The following ANK2 variants were observed in gnomAD, a reference collection of about 807,000 sequenced individuals.
The protein encoded by ANK2 is ankyrin 2.
ANK2 carries 83 observed loss-of-function variants against 360.5 expected under a neutral mutation model. The observed-to-expected ratio is 0.23, with a 90% CI of 0.19 to 0.28. The LOEUF is 0.28. ANK2 is among the 10% of genes least tolerant of loss of function. The pLI is 1.00. For synonymous variants in ANK2, 1,740 were observed against 1,759.5 expected (o/e 0.99, Z 0.28); for missense variants, 4,201 against 4,795.7 (o/e 0.88, Z 3.66).
intron 2 of ANK2, among the ~76,000 whole-genome samples, chr4:113,001,928 T>C (rs2050845445): frequency 6.6e-6 from 1 of 152,090 alleles, no homozygotes; most frequent in South Asian, 2.1e-4. Context: ...AAGCCCAAAT[T>C]CTCCCTTTTA....
chr4:113,154,098 C>T (rs2097190099), intron 1 of ANK2, among the ~76,000 whole-genome samples: 1 of 152,332 alleles, frequency 6.6e-6, no homozygotes. Context: ...GCTGAGACCA[C>T]ATGGGACATG....
At chr4:113,181,301 CTCTT>C (rs1419003415) in intron 2 of ANK2, among the ~76,000 whole-genome samples, 1 of 152,176 alleles carries the variant, frequency 6.6e-6, no homozygotes, top group African/African-American at 2.4e-5. Flanking sequence ...CTTGAACACT[CTCTT>C]TCTATGGCTA....
At chr4:113,325,885 T>C (rs2089548844) in intron 26 of ANK2, among the ~76,000 whole-genome samples, 1 of 152,166 alleles carries the variant, frequency 6.6e-6, no homozygotes, top group Non-Finnish European at 1.5e-5. Flanking sequence ...ATCTTAAAGA[T>C]CATAGATGAC....
intron 2 of ANK2, among the ~76,000 whole-genome samples, chr4:113,001,334 A>C (rs1273626860): frequency 1.4e-5 from 2 of 145,612 alleles, no homozygotes; most frequent in Admixed American, 6.9e-5. Flanking sequence ...TCTGTCTCAA[A>C]AAAAAAAAAA....
At chr4:113,138,835 A>C (rs181937980) in intron 1 of ANK2, among the ~76,000 whole-genome samples, 2 of 152,356 alleles carry the variant, frequency 1.3e-5, no homozygotes, top group African/African-American at 4.8e-5. Flanking sequence ...GTGAGTATAC[A>C]AACTGAACAT....
At position 112,818,981 on chromosome 4, in the gene ANK2, T is replaced by G. The variant is rs1223518516; in HGVS notation, c.-40+717T>G. Among the ~76,000 whole-genome samples the G allele has an allele frequency of 4.6e-5, 7 of 152,160 alleles. No individual in the cohort carries two copies. In the East Asian group the frequency reaches 7.7e-4, roughly 17 times the overall value. Reference sequence around the variant, plus strand: ...AGATACAGATTTCTGAGCAGTGTTTTTTTGTTTGTTTGTTTGTTCTTTGGC... The same window carrying G: ...AGATACAGATTTCTGAGCAGTGTTTGTTTGTTTGTTTGTTTGTTCTTTGGC... On this transcript the variant is annotated intron_variant, in intron 1 of 30. Transcript: ENST00000503271.
chr4:113,171,276 G>T (rs927507484), intron 1 of ANK2, among the ~76,000 whole-genome samples: 2 of 152,118 alleles, frequency 1.3e-5, no homozygotes, highest in East Asian at 3.9e-4. Flanking sequence ...AGATAACCAG[G>T]CTAACCACTG....
intron 1 of ANK2, among the ~76,000 whole-genome samples, chr4:112,901,638 G>A (rs1414194217): frequency 6.6e-6 from 1 of 151,948 alleles, no homozygotes; most frequent in Non-Finnish European, 1.5e-5. Context: ...TGAGGCAGGC[G>A]GACCATGAGG....
In ANK2 at chr4:113,350,316, A is replaced by G; in HGVS notation, c.4426+67A>G. 2.1e-6 allele frequency: 3 copies of G among 1,423,556 alleles called. No individual in the cohort carries two copies. In the South Asian group the frequency reaches 3.5e-5, roughly 17 times the overall value. 88.2% of individuals were successfully genotyped at this position (1,423,556 alleles called of 1,614,324 possible). A position where few individuals can be genotyped will look rare whatever the true frequency, so the allele number is the denominator to read the frequency against. On this transcript the variant is annotated intron_variant, in intron 37 of 45. Coordinates refer to ENST00000357077, the MANE Select transcript of ANK2 (RefSeq NM_001148.6). The stretch of plus-strand genomic sequence containing the variant: ...ACCATAAAAAGAAGCATGAATTAAA[A>G]TGCAAGCTAGTTGCTATTACTAACC...
chr4:113,164,662 C>T lies in ANK2; in HGVS notation c.85-9754C>T, dbSNP rs550491751. On this transcript the variant is annotated intron_variant, in intron 1 of 45. Coordinates refer to ENST00000357077, the MANE Select transcript of ANK2 (RefSeq NM_001148.6). ...AAGAGTAAATTAACACTATAAGATG[C>T]GGATGCGTAGCATAATGAAAAATTG... Among the ~76,000 whole-genome samples the T allele has an allele frequency of 2.0e-4, 30 of 152,210 alleles. No homozygotes were observed. The South Asian group carries it at 5.0e-3, about 25-fold the overall frequency.
At chr4:112,852,014 G>T (rs2065122855) in intron 1 of ANK2, among the ~76,000 whole-genome samples, 1 of 152,140 alleles carries the variant, frequency 6.6e-6, no homozygotes, top group Admixed American at 6.5e-5. Context: ...CCCTAAATAG[G>T]TTTGTCAAAT....
At position 113,353,595 on chromosome 4, in the gene ANK2, A is replaced by G. The variant is rs768303808; in HGVS notation, c.4977A>G (p.Gln1659=). 6.2e-7 allele frequency: 1 copy of G among 1,614,078 alleles called. No homozygotes were observed. Among genetic ancestry groups the G allele is most frequent in the South Asian group, 1.1e-5 (1 of 91,084 alleles). The part of the protein sequence containing the change: ...PLPKEQLQTV[Q]DKAGKKCEAL... ...CCAAAGAGCAGCTGCAGACAGTTCA[A>G]GATAAGGCAGGGAAGAAATGTGAGG... The change falls in exon 38 of 46, where the codon CAA becomes CAG. Residue 1659 remains glutamine (Q), a synonymous_variant. Transcript: ENST00000357077.
Position 113,333,212 on chromosome 4 carries a change from C to T in ANK2, c.3379+4C>T, listed in dbSNP as rs752152002. The stretch of plus-strand genomic sequence containing the variant: ...ATTCTTAACGGCATGGATGAAGGTA[C>T]TTTCAGATGAAGCGTTTTAAAAGAA... On this transcript the variant is annotated splice_donor_region_variant and intron_variant, in intron 29 of 45. Coordinates refer to ENST00000357077, the MANE Select transcript of ANK2 (RefSeq NM_001148.6). 1.8e-5 allele frequency: 29 copies of T among 1,613,908 alleles called. No individual in the cohort carries two copies. The highest frequency in any genetic ancestry group is 1.8e-4 in the South Asian group (16 of 91,072).
chr4:113,267,931 A>C (rs2056885578), intron 14 of ANK2, among the ~76,000 whole-genome samples: 1 of 152,186 alleles, frequency 6.6e-6, no homozygotes, highest in Non-Finnish European at 1.5e-5. Flanking sequence ...TTCCTTGAGC[A>C]GTGGTCTGTA....
intron 2 of ANK2, among the ~76,000 whole-genome samples, chr4:113,195,141 TGCCTCTAAATTTGGA>T (rs1184682032): frequency 6.6e-6 from 1 of 152,178 alleles, no homozygotes; most frequent in Non-Finnish European, 1.5e-5. Flanking sequence ...TCATGTCTTT[TGCCTCTAAATTTGGA>T]GACCCTATCA....
At chr4:112,829,536 C>CTTCTCAA (rs1375402092) in intron 1 of ANK2, among the ~76,000 whole-genome samples, 28 of 141,386 alleles carry the variant, frequency 2.0e-4, no homozygotes, top group South Asian at 4.6e-4. Context: ...TGGAGAGACA[C>CTTCTCAA]TTCTCAAAAG....
At chr4:112,762,653 G>A in the ANK2 span, among the ~76,000 whole-genome samples, 5 of 152,124 alleles carry the variant, frequency 3.3e-5, no homozygotes, top group Non-Finnish European at 7.3e-5. Context: ...GGGACTACAG[G>A]CCTGCGCCAC....
intron 24 of ANK2, among the ~76,000 whole-genome samples, chr4:113,315,667 G>A (rs904436102): frequency 4.3e-4 from 66 of 152,144 alleles, no homozygotes; most frequent in Admixed American, 1.2e-3. Flanking sequence ...GGGAGGCCAA[G>A]GTGGGCGGAT....
At chr4:112,858,735 G>C (rs1448221) in intron 1 of ANK2, among the ~76,000 whole-genome samples, 1 of 151,988 alleles carries the variant, frequency 6.6e-6, no homozygotes, top group Admixed American at 6.5e-5. Flanking sequence ...TTTTCTACCT[G>C]GAAAGTTTCC....
Sources: allele counts gnomAD v4.1 joint callset (sites outside exome capture counted in the v4.1 genomes callset), GRCh38; gene constraint gnomAD v4.1.1; transcripts MANE v1.5; gene names NCBI Gene and HGNC (gene_info 2026-07-23, HGNC 2026-07-21).